ANXA8: variants seen among roughly 807,000 people sequenced by gnomAD.
ANXA8 encodes VAC-beta.
ANXA8 carries 9 observed loss-of-function variants against 26.8 expected under a neutral mutation model. That is an observed-to-expected ratio of 0.34 (90% confidence interval 0.20 to 0.59). The LOEUF (loss-of-function observed/expected upper bound fraction) is 0.59, where lower values mean the gene tolerates loss of function less well. Ranked by LOEUF, ANXA8 falls within the 20% of genes least tolerant of loss-of-function variation. The probability of loss-of-function intolerance (pLI) is 0.84; values close to 1 mark genes in which losing one functional copy is unlikely to be tolerated. For synonymous variants in ANXA8, 39 were observed against 94.8 expected, an observed-to-expected ratio of 0.41 and a Z score of 3.42; for missense variants, 83 against 238.5, an observed-to-expected ratio of 0.35 and a Z score of 4.29.
the ANXA8 span, chr10:47,581,322 G>A: frequency 2.9e-4 from 138 of 484,056 alleles, 4 homozygotes; most frequent in Admixed American, 9.3e-4. Context: ...TTCTGGTATT[G>A]AAAACCATTC....
the ANXA8 span, among the ~76,000 whole-genome samples, chr10:47,729,833 G>A: frequency 7.5e-6 from 1 of 133,836 alleles, no homozygotes; most frequent in Non-Finnish European, 1.6e-5. Context: ...TTATTTAGAG[G>A]CAGAGTCTTG....
the ANXA8 span, among the ~76,000 whole-genome samples, chr10:47,543,896 G>A: frequency 2.9e-5 from 4 of 139,074 alleles, no homozygotes; most frequent in Non-Finnish European, 4.6e-5. Flanking sequence ...GATGGGAGAC[G>A]ACGTCTACCT....
the ANXA8 span, among the ~76,000 whole-genome samples, chr10:47,595,411 A>G: frequency 2.0e-5 from 3 of 147,924 alleles, no homozygotes; most frequent in Non-Finnish European, 4.4e-5. Flanking sequence ...TCACATATCA[A>G]TGTTAACCTT....
chr10:47,525,361 G>A, the ANXA8 span, among the ~76,000 whole-genome samples: 7 of 141,422 alleles, frequency 4.9e-5, no homozygotes, highest in East Asian at 3.0e-4. Context: ...AGCCAAGATC[G>A]TGCCATGGCA....
At chr10:47,647,063 C>T in the ANXA8 span, among the ~76,000 whole-genome samples, 1 of 152,354 alleles carries the variant, frequency 6.6e-6, no homozygotes, top group Admixed American at 6.5e-5. Context: ...GAGATGAGCA[C>T]TGTGTGCTCC....
the ANXA8 span, among the ~76,000 whole-genome samples, chr10:47,742,950 C>T: frequency 7.4e-6 from 1 of 135,476 alleles, no homozygotes; most frequent in South Asian, 2.3e-4. Flanking sequence ...GTCAGGAGAT[C>T]GAGACCATCC....
At chr10:47,488,686 C>T (rs1588938542), upstream of ANXA8, among the ~76,000 whole-genome samples, 1 of 126,388 alleles carries the variant, frequency 7.9e-6, no homozygotes, top group Non-Finnish European at 1.6e-5. Flanking sequence ...ATCAATTTAA[C>T]ATTTAACATA....
chr10:47,659,984 T>C, the ANXA8 span, among the ~76,000 whole-genome samples: 1 of 149,388 alleles, frequency 6.7e-6, no homozygotes, highest in South Asian at 2.1e-4. Flanking sequence ...CTCAAACTCC[T>C]GGGCTTAAGC....
the ANXA8 span, chr10:47,539,094 GAC>G: frequency 5.5e-6 from 1 of 181,190 alleles, no homozygotes; most frequent in Non-Finnish European, 8.3e-6. Context: ...AGTTGGGATT[GAC>G]ACACCTCTCC....
chr10:47,595,847 G>C, the ANXA8 span, among the ~76,000 whole-genome samples: 3 of 148,186 alleles, frequency 2.0e-5, no homozygotes, highest in Non-Finnish European at 4.4e-5. Flanking sequence ...GTGGTAGATA[G>C]ATTATTGAGG....
At chr10:47,693,312 C>T in the ANXA8 span, among the ~76,000 whole-genome samples, 4 of 141,458 alleles carry the variant, frequency 2.8e-5, no homozygotes, top group East Asian at 2.0e-4. Flanking sequence ...TTTTTTGAGA[C>T]GGAGTCTGGC....
At chr10:47,487,774 GT>G (rs4013026), upstream of ANXA8, among the ~76,000 whole-genome samples, 439 of 134,766 alleles carry the variant, frequency 3.3e-3, 13 homozygotes, top group African/African-American at 9.8e-3. Flanking sequence ...GGTTTATAGT[GT>G]TTTTTTTTTT....
chr10:47,896,285 TC>T, the ANXA8 span, among the ~76,000 whole-genome samples: 1 of 88,812 alleles, frequency 1.1e-5, no homozygotes, highest in Non-Finnish European at 2.6e-5. Flanking sequence ...TTTTGCCTCT[TC>T]TTGTACATAA....
chr10:47,735,089 TTTTTG>T, the ANXA8 span, among the ~76,000 whole-genome samples: 1 of 150,926 alleles, frequency 6.6e-6, no homozygotes, highest in Non-Finnish European at 1.5e-5. Flanking sequence ...TGTTCCTTGT[TTTTTG>T]TTTTGTTTTG....
chr10:47,486,400 G>A (rs1447466412), upstream of ANXA8, among the ~76,000 whole-genome samples: 5 of 141,014 alleles, frequency 3.5e-5, 2 homozygotes, highest in Non-Finnish European at 7.7e-5. Flanking sequence ...ATAGTTTCTG[G>A]TGAAACAGTT....
chr10:47,487,764 G>A (rs1483713751), upstream of ANXA8, among the ~76,000 whole-genome samples: 29 of 142,346 alleles, frequency 2.0e-4, no homozygotes, highest in African/African-American at 7.2e-4. Context: ...CTTTTGGCTT[G>A]GTTTATAGTG....
the ANXA8 span, among the ~76,000 whole-genome samples, chr10:47,954,025 C>T: frequency 6.6e-6 from 1 of 150,790 alleles, no homozygotes; most frequent in Non-Finnish European, 1.5e-5. Flanking sequence ...TATGATCCAG[C>T]AATCCTACTG....
At chr10:47,575,143 G>A in the ANXA8 span, among the ~76,000 whole-genome samples, 1 of 133,266 alleles carries the variant, frequency 7.5e-6, no homozygotes, top group African/African-American at 3.1e-5. Context: ...GGCAGAGGTT[G>A]CATTGAGCTG....
At chr10:47,684,457 T>C in the ANXA8 span, among the ~76,000 whole-genome samples, 601 of 141,152 alleles carry the variant, frequency 4.3e-3, 5 homozygotes, top group Middle Eastern at 0.014. Flanking sequence ...GTAACAGTTC[T>C]ACACTTACAA....
Sources: allele counts gnomAD v4.1 joint callset (sites outside exome capture counted in the v4.1 genomes callset), GRCh38; gene constraint gnomAD v4.1.1; transcripts MANE v1.5; gene names NCBI Gene and HGNC (gene_info 2026-07-23, HGNC 2026-07-21).